The following GHDC variants were observed in gnomAD, a reference collection of about 807,000 sequenced individuals.
GHDC encodes GH3 domain containing, also known as GH3 domain-containing protein.
Under a neutral mutation model 51.5 loss-of-function variants are expected in GHDC, and 39 were observed. That is an observed-to-expected ratio of 0.76 (90% CI 0.59 to 0.99). The LOEUF (loss-of-function observed/expected upper bound fraction) is 0.99. GHDC is among the 50% of genes least tolerant of loss of function. GHDC has a pLI of 0.00. For missense variants in GHDC, 610 were observed against 672.8 expected, an observed-to-expected ratio of 0.91 and a Z score of 1.03; for synonymous variants, 282 against 305.2, an observed-to-expected ratio of 0.92 and a Z score of 0.79.
rs2079982119 is a variant in GHDC at position 42,193,035 on chromosome 17, C to A, written c.266-8G>T. 6.2e-7 allele frequency: 1 copy of A among 1,614,092 alleles called. No homozygotes were observed. The highest frequency in any genetic ancestry group is 8.5e-7 in the Non-Finnish European group (1 of 1,180,024). On this transcript the variant is annotated splice_polypyrimidine_tract_variant and splice_region_variant and intron_variant, in intron 3 of 9. Coordinates refer to ENST00000587427, the MANE Select transcript of GHDC (RefSeq NM_032484.5). ...TCCGGAAGGTGCTTATGTCTATAGC[C>A]CCAATGACAACAGAAACGCCTCAGG...
chr17:42,190,974 G>A (rs767623534), intron 6 of GHDC, 44 bp downstream of exon 6: 24 of 1,564,646 alleles, frequency 1.5e-5, no homozygotes, highest in Middle Eastern at 3.4e-4. Flanking sequence ...CCCCCAGCAC[G>A]GTCCCATAGG....
At position 42,192,381 on chromosome 17, in the gene GHDC, C is replaced by G. The variant is rs778010470; in HGVS notation, c.749G>C (p.Gly250Ala). The G allele has an allele frequency of 3.1e-6, 5 of 1,612,694 alleles. No homozygotes were observed. The highest frequency in any genetic ancestry group is 4.2e-6 in the Non-Finnish European group (5 of 1,179,878). ...LREALEQGPR[G>A]LALRLWPKLQ... The stretch of plus-strand genomic sequence containing the variant: ...CTTTGGCCAGAGCCGAAGGGCCAGT[C>G]CCCGTGGCCCCTGCTCTAGGGCCTC... The change falls in exon 5 of 10, where the codon GGA becomes GCA. Residue 250 changes from glycine (G) to alanine (A), a missense_variant. Physicochemically the swap from Gly to Ala is moderately conservative, Grantham distance 60. This residue lies in a region of GHDC where 412 missense variants were observed against 410.4 expected (regional missense o/e 1.00). Coordinates refer to ENST00000587427, the MANE Select transcript of GHDC (RefSeq NM_032484.5).
Position 42,192,548 on chromosome 17 carries a change from C to T in GHDC, c.582G>A (p.Gly194=), listed in dbSNP as rs906867046. The T allele has an allele frequency of 1.9e-6, 3 of 1,613,798 alleles. No individual in the cohort carries two copies. Among genetic ancestry groups the T allele is most frequent in the Non-Finnish European group, 2.5e-6 (3 of 1,180,048 alleles). ...CCGTCCCAGCCTCCAGTGCCCTCAG[C>T]CCTGGGGACCTCAGTGCGTCCAGCA... ...ALLLDALRSP[G]LRALEAGTAV... The change falls in exon 5 of 10, where the codon GGG becomes GGA. Residue 194 remains glycine, a synonymous_variant. Coordinates refer to ENST00000587427, the MANE Select transcript of GHDC (RefSeq NM_032484.5).
At chr17:42,193,173 G>T in intron 3 of GHDC, 144 bp downstream of exon 3, 1 of 1,538,542 alleles carries the variant, frequency 6.5e-7, no homozygotes, top group Non-Finnish European at 8.9e-7. Context: ...ATTCATCTTG[G>T]ACAAGAAAGC....
intron 8 of GHDC, 69 bp downstream of exon 8, chr17:42,190,555 C>T: frequency 3.2e-6 from 5 of 1,543,258 alleles, no homozygotes; most frequent in Non-Finnish European, 4.4e-6. Context: ...CTAGCAGTCC[C>T]CTGGCAGGGG....
intron 8 of GHDC, 133 bp downstream of exon 8, chr17:42,190,491 G>A: frequency 5.0e-6 from 7 of 1,399,568 alleles, no homozygotes; most frequent in Middle Eastern, 4.2e-4. Flanking sequence ...ATGGATGAGA[G>A]TTAGATGCAG....
chr17:42,192,683 TC>T lies in GHDC; in HGVS notation c.446del (p.Gly149AspfsTer6). On this transcript the variant is annotated frameshift_variant, in exon 5 of 10. Transcript: ENST00000587427. LOFTEE classifies it high-confidence loss of function. ...NKAYPEVLAQ[G>X]RTARVTLTSP... is the part of the protein sequence containing the mutation. ...ATGTAAGCGTCACACGGGCAGTGCG[TC>T]CCTGAGCCAGCACTTCTGGGTAGGC... is the stretch of plus-strand genomic sequence containing the variant. 2 of 1,588,262 alleles carry T rather than the reference TC, an allele frequency of 1.3e-6. No homozygotes were observed. The highest frequency in any genetic ancestry group is 1.7e-6 in the Non-Finnish European group (2 of 1,166,238).
chr17:42,190,409 G>A, intron 8 of GHDC, 139 bp from the exon 9 acceptor site: 4 of 1,539,368 alleles, frequency 2.6e-6, no homozygotes, highest in Non-Finnish European at 3.5e-6. Context: ...TGGGGTAAAT[G>A]GAGAGGAACC....
rs566963294 is a variant in GHDC, at chr17:42,189,120, C to T, written c.*583G>A. ...CAAGAGGTTTATTTGGGAGCCATCC[C>T]AGGAAGCCCAAGGCGGGGGAGTGGG... On this transcript the variant is annotated 3_prime_UTR_variant, in exon 10 of 10. Coordinates refer to ENST00000587427, the MANE Select transcript of GHDC (RefSeq NM_032484.5). 22 of 398,688 alleles carry T rather than the reference C, an allele frequency of 5.5e-5. No homozygotes were observed. In the South Asian group the frequency reaches 2.8e-3, roughly 51 times the overall value. The allele number at this position is 398,688 out of a possible 1,614,324, so 24.7% of individuals were successfully genotyped here.
chr17:42,191,134 C>G lies in GHDC; in HGVS notation c.966G>C (p.Glu322Asp). ...YLLPPGAPFI[E>D]LLPVKEGTQE... ...GGGTGCCTTCCTTGACTGGGAGCAG[C>G]TCGATAAAGGGGGCCCCAGGGGGCA... is the stretch of plus-strand genomic sequence containing the variant. Residue 322 changes from glutamate (E) to aspartate (D), a missense_variant, in exon 6 of 10, where the codon GAG becomes GAC. Glu to Asp is a conservative substitution (Grantham distance 45). Coordinates refer to ENST00000587427, the MANE Select transcript of GHDC (RefSeq NM_032484.5). 6.4e-7 allele frequency: 1 copy of G among 1,556,830 alleles called. No homozygotes were observed. Among genetic ancestry groups the G allele is most frequent in the Non-Finnish European group, 8.6e-7 (1 of 1,156,176 alleles).
In GHDC at chr17:42,190,724, A is replaced by G; in HGVS notation, c.1188T>C (p.Asp396=). ...CCTCAGAGAACAGGTCTTCACCAAT[A>G]TCTTCCCCTCGCACACTCAGGGTCT... The part of the protein sequence containing the change: ...LDQTLSVRGE[D]IGEDLFSEAL... The change falls in exon 8 of 10, where the codon GAT becomes GAC. Residue 396 remains aspartate, a synonymous_variant. Transcript: ENST00000587427. 1 of 1,614,062 alleles carries G rather than the reference A, an allele frequency of 6.2e-7. No individual in the cohort carries two copies. Among genetic ancestry groups the G allele is most frequent in the Admixed American group, 1.7e-5 (1 of 60,004 alleles).
Position 42,191,113 on chromosome 17 carries a change from GCCTT to G in GHDC, c.983_986del (p.Glu328AlafsTer25). 6.4e-7 allele frequency: 1 copy of G among 1,567,956 alleles called. No individual in the cohort carries two copies. Among genetic ancestry groups the G allele is most frequent in the Non-Finnish European group, 8.6e-7 (1 of 1,160,950 alleles). On this transcript the variant is annotated frameshift_variant, in exon 6 of 10. Transcript: ENST00000587427. LOFTEE classifies it high-confidence loss of function. ...GGGTGGAGGCAGCTTCCTCCTGGGT[GCCTT>G]CCTTGACTGGGAGCAGCTCGATAAA...
intron 5 of GHDC, 97 bp downstream of exon 5, chr17:42,192,144 G>A: frequency 5.6e-6 from 8 of 1,429,560 alleles, no homozygotes; most frequent in South Asian, 4.7e-5. Flanking sequence ...TGTTGGGGAG[G>A]ATTAAATGAG....
rs201510371 is a variant in GHDC, at chr17:42,189,771, G to A, written c.1525C>T (p.Pro509Ser). Reference sequence around the variant, plus strand: ...TGCCGAAGGACCCGGGGCATCGCAGGGGGGAAGGGGGAGGAGGGGCAGGCA... The same window carrying A: ...TGCCGAAGGACCCGGGGCATCGCAGAGGGGAAGGGGGAGGAGGGGCAGGCA... ...LAACPSSPFPPAMPRVLRHRH... is the reference protein window; with the variant it reads ...LAACPSSPFPSAMPRVLRHRH... Residue 509 changes from proline (P) to serine (S), a missense_variant, in exon 10 of 10, where the codon CCT becomes TCT. Pro to Ser is a moderately conservative substitution (Grantham distance 74). This residue lies in a region of GHDC where 412 missense variants were observed against 410.4 expected (regional missense o/e 1.00). Coordinates refer to ENST00000587427, the MANE Select transcript of GHDC (RefSeq NM_032484.5). The A allele has an allele frequency of 1.3e-4, 203 of 1,534,836 alleles. No homozygotes were observed. The highest frequency in any genetic ancestry group is 5.6e-5 in the Non-Finnish European group (64 of 1,140,980).
Position 42,189,484 on chromosome 17 carries a change from A to G in GHDC, c.*219T>C. On this transcript the variant is annotated 3_prime_UTR_variant, in exon 10 of 10. Coordinates refer to ENST00000587427, the MANE Select transcript of GHDC (RefSeq NM_032484.5). The stretch of plus-strand genomic sequence containing the variant: ...GTGTCCTTCATGCCGGGACATGGGG[A>G]CACGGGCAGGCACTGCTGGCATCTG... 1 of 416,426 alleles carries G rather than the reference A, an allele frequency of 2.4e-6. No homozygotes were observed. Among genetic ancestry groups the G allele is most frequent in the Non-Finnish European group, 4.2e-6 (1 of 237,022 alleles). 25.8% of individuals were successfully genotyped at this position (416,426 alleles called of 1,614,324 possible).
chr17:42,193,655 C>T (rs1351990707), intron 2 of GHDC, 61 bp from the exon 3 acceptor site: 12 of 1,467,944 alleles, frequency 8.2e-6, no homozygotes, highest in Middle Eastern at 1.8e-4. Flanking sequence ...TCTCCTCCCA[C>T]GCTCTACTGC....
intron 5 of GHDC, 105 bp from the exon 6 acceptor site, chr17:42,191,315 T>A: frequency 9.0e-7 from 1 of 1,112,536 alleles, no homozygotes; most frequent in Non-Finnish European, 1.2e-6. Context: ...CACCTGATCC[T>A]CCTGCTGCCC....
At position 42,192,670 on chromosome 17, in the gene GHDC, C is replaced by T. The variant is rs1188151875; in HGVS notation, c.460G>A (p.Val154Met). The change falls in exon 5 of 10, where the codon GTG (valine) becomes ATG (methionine). Residue 154 changes from valine to methionine, a missense_variant. Transcript: ENST00000587427. ...CGGGGCCAAGGGGATGTAAGCGTCACACGGGCAGTGCGTCCCTGAGCCAGC... is the reference window on the plus strand; with the variant it reads ...CGGGGCCAAGGGGATGTAAGCGTCATACGGGCAGTGCGTCCCTGAGCCAGC... ...EVLAQGRTAR[V>M]TLTSPWPRPL... is the part of the protein sequence containing the mutation. 3 of 1,600,626 alleles carry T rather than the reference C, an allele frequency of 1.9e-6. No homozygotes were observed. The African/African-American group carries it at 4.0e-5, about 21-fold the overall frequency.
chr17:42,189,750 G>A lies in GHDC; in HGVS notation c.1546C>T (p.Arg516Trp), dbSNP rs766336599. 5.3e-6 allele frequency: 8 copies of A among 1,517,180 alleles called. No individual in the cohort carries two copies. The highest frequency in any genetic ancestry group is 2.3e-5 in the East Asian group (1 of 42,640). The allele number at this position is 1,517,180 out of a possible 1,614,324, so 94.0% of individuals were successfully genotyped here. ...PFPPAMPRVL[R>W]HRHLAQCLQE... is the part of the protein sequence containing the mutation. ...AGACACTGGGCCAGGTGCCTGTGCC[G>A]AAGGACCCGGGGCATCGCAGGGGGG... Residue 516 changes from arginine to tryptophan, a missense_variant, in exon 10 of 10, where the codon CGG (arginine) becomes TGG (tryptophan). Arg to Trp is a moderately radical substitution (Grantham distance 101, BLOSUM62 -3). Coordinates refer to ENST00000587427, the MANE Select transcript of GHDC (RefSeq NM_032484.5).
Sources: gnomAD v4.1 joint callset for allele counts on GRCh38, gnomAD v4.1.1 for gene constraint, gnomAD v4.1.1 regional missense constraint, MANE v1.5 for transcripts, NCBI Gene and HGNC (gene_info 2026-07-23, HGNC 2026-07-21) for gene names.